MOXD1: variants seen among roughly 807,000 people sequenced by gnomAD.
MOXD1 encodes the protein monooxygenase DBH like 1.
A neutral mutation model predicts 66.6 loss-of-function variants in MOXD1; 62 were observed. The observed-to-expected ratio is 0.93, with a 90% CI of 0.76 to 1.15. MOXD1 has a LOEUF of 1.15. MOXD1 is among the 50% of genes most tolerant of loss of function. MOXD1 has a pLI of 0.00. For synonymous variants in MOXD1, 303 were observed against 281.9 expected (o/e 1.07, Z -0.75); for missense variants, 847 against 754.6 (o/e 1.12, Z -1.44).
intron 6 of MOXD1, among the ~76,000 whole-genome samples, chr6:132,326,575 T>A (rs1459858442): frequency 6.6e-6 from 1 of 152,124 alleles, no homozygotes; most frequent in Non-Finnish European, 1.5e-5. Flanking sequence ...CAATAATTAA[T>A]CCCATTGTTA....
At chr6:132,354,330 T>C (rs1775866623) in intron 4 of MOXD1, among the ~76,000 whole-genome samples, 1 of 152,228 alleles carries the variant, frequency 6.6e-6, no homozygotes, top group South Asian at 2.1e-4. Flanking sequence ...TCAGATTATT[T>C]TGTCCCAGGG....
rs570430683 is a variant in MOXD1 at position 132,297,382 on chromosome 6, G to T, written c.1678-65C>A. The T allele has an allele frequency of 1.2e-5, 18 of 1,518,188 alleles. No individual in the cohort carries two copies. In the South Asian group the frequency reaches 2.1e-4, roughly 18 times the overall value. The allele number at this position is 1,518,188 out of a possible 1,614,324, so 94.0% of individuals were successfully genotyped here. A position where few individuals can be genotyped will look rare whatever the true frequency, so the allele number is the denominator to read the frequency against. ...TTTAAGGCAGCACAGTGACCAGGCC[G>T]CTCAGCTGCCCACACTTCTGCAGGG... is the stretch of plus-strand genomic sequence containing the variant. On this transcript the variant is annotated intron_variant, in intron 11 of 11. Coordinates refer to ENST00000367963, the MANE Select transcript of MOXD1 (RefSeq NM_015529.4).
At chr6:132,379,278 T>C (rs114162696) in intron 1 of MOXD1, among the ~76,000 whole-genome samples, 3,037 of 152,064 alleles carry the variant, frequency 0.02, 54 homozygotes, top group South Asian at 0.058. Flanking sequence ...ATGAACCCAA[T>C]AAATGAAGAA....
At chr6:132,342,893 G>T (rs58668069) in intron 4 of MOXD1, among the ~76,000 whole-genome samples, 6,975 of 152,224 alleles carry the variant, frequency 0.046, 505 homozygotes, top group African/African-American at 0.15. Flanking sequence ...CTGAATTTCT[G>T]CCAGTCCTAT....
At chr6:132,392,277 G>A (rs1184107420) in intron 1 of MOXD1, 2 of 1,602,832 alleles carry the variant, frequency 1.2e-6, no homozygotes, top group South Asian at 2.3e-5. Context: ...ACAGGCCTCA[G>A]TTTTTGAGAC....
intron 1 of MOXD1, chr6:132,375,204 G>A (rs1240040217): frequency 4.9e-6 from 1 of 202,374 alleles, no homozygotes; most frequent in African/African-American, 2.3e-5. Context: ...ACTCCTGGTG[G>A]AGCCCCACTT....
In MOXD1 at chr6:132,349,412, T is replaced by TATATATATAC. The variant is rs1775743851; in HGVS notation, c.664-20828_664-20819dup. Among the ~76,000 whole-genome samples the TATATATATAC allele has an allele frequency of 3.6e-5, 3 of 84,414 alleles. No homozygotes were observed. The East Asian group carries it at 1.5e-3, about 41-fold the overall frequency. The allele number at this position is 84,414 out of a possible 152,430, so 55.4% of individuals were successfully genotyped here. On this transcript the variant is annotated intron_variant, in intron 4 of 11. Transcript: ENST00000367963. ...ATATATACACATATATATACATATA[T>TATATATATAC]ATATATATACATATATATATATACA...
At chr6:132,340,436 ACTTT>A (rs1243184582) in intron 4 of MOXD1, among the ~76,000 whole-genome samples, 1 of 134,694 alleles carries the variant, frequency 7.4e-6, no homozygotes, top group Non-Finnish European at 1.5e-5. Context: ...AGCAAGCAAC[ACTTT>A]CTTTTTTTTT....
At chr6:132,387,823 T>C (rs1294003315) in intron 1 of MOXD1, among the ~76,000 whole-genome samples, 1 of 150,266 alleles carries the variant, frequency 6.7e-6, no homozygotes, top group East Asian at 1.9e-4. Flanking sequence ...CTAATTCAAC[T>C]TTATTAGTGC....
chr6:132,370,135 T>C (rs1434853949), intron 4 of MOXD1, among the ~76,000 whole-genome samples: 1 of 152,110 alleles, frequency 6.6e-6, no homozygotes, highest in Non-Finnish European at 1.5e-5. Flanking sequence ...TTTGATACAG[T>C]GATTTATGGA....
At chr6:132,302,622 T>C (rs1774567046) in intron 10 of MOXD1, among the ~76,000 whole-genome samples, 1 of 152,146 alleles carries the variant, frequency 6.6e-6, no homozygotes, top group Non-Finnish European at 1.5e-5. Flanking sequence ...TGTTAAGGTA[T>C]CAATTCTCTC....
chr6:132,298,535 C>T (rs528929789), intron 10 of MOXD1, among the ~76,000 whole-genome samples: 86 of 152,252 alleles, frequency 5.6e-4, no homozygotes, highest in African/African-American at 1.8e-3. Context: ...CTGACCCCTG[C>T]TGGCTGATCT....
intron 4 of MOXD1, among the ~76,000 whole-genome samples, chr6:132,353,122 C>T (rs149306826): frequency 2.0e-5 from 3 of 152,272 alleles, no homozygotes; most frequent in African/African-American, 7.2e-5. Context: ...AAGTGGAGCA[C>T]TTAGGCGATT....
intron 4 of MOXD1, among the ~76,000 whole-genome samples, chr6:132,331,247 A>C (rs1775310968): frequency 1.3e-5 from 2 of 152,210 alleles, no homozygotes; most frequent in African/African-American, 4.8e-5. Context: ...ATTCAGGCAC[A>C]TGTGAGATTT....
chr6:132,319,033 C>G (rs1033203898), intron 9 of MOXD1, among the ~76,000 whole-genome samples: 1 of 151,880 alleles, frequency 6.6e-6, no homozygotes. Context: ...ACTTGGGACT[C>G]AAAGCATATT....
At chr6:132,322,651 C>T (rs780978211) in intron 8 of MOXD1, 28 bp downstream of exon 8, 4 of 1,588,428 alleles carry the variant, frequency 2.5e-6, no homozygotes, top group East Asian at 4.5e-5. Context: ...TCATAACAGT[C>T]AATGAAAAAG....
intron 4 of MOXD1, among the ~76,000 whole-genome samples, chr6:132,351,605 T>C (rs536409215): frequency 6.6e-6 from 1 of 152,298 alleles, no homozygotes; most frequent in South Asian, 2.1e-4. Context: ...TAGTTTTCTC[T>C]TTTGGTTATG....
intron 4 of MOXD1, among the ~76,000 whole-genome samples, chr6:132,331,019 TG>T (rs550636106): frequency 1.3e-5 from 2 of 152,236 alleles, no homozygotes; most frequent in South Asian, 2.1e-4. Context: ...AAAGGTCGTG[TG>T]GCCTGAAGGC....
At position 132,328,178 on chromosome 6, in the gene MOXD1, CA is replaced by C. The variant is rs1454797468; in HGVS notation, c.844-64del. 2.9e-6 allele frequency: 4 copies of C among 1,395,090 alleles called. No individual in the cohort carries two copies. In the East Asian group the frequency reaches 6.9e-5, roughly 24 times the overall value. 86.4% of individuals were successfully genotyped at this position (1,395,090 alleles called of 1,614,324 possible). A position where few individuals can be genotyped will look rare whatever the true frequency, so the allele number is the denominator to read the frequency against. ...AAGTCCCTGAGAGCTCTATTCCACT[CA>C]AAAACCAGCCATCTTCAAGGATATT... On this transcript the variant is annotated intron_variant, in intron 5 of 11. Transcript: ENST00000367963.
Sources: gnomAD v4.1 joint callset for allele counts (sites outside exome capture counted in the v4.1 genomes callset) on GRCh38, gnomAD v4.1.1 for gene constraint, MANE v1.5 for transcripts, NCBI Gene and HGNC (gene_info 2026-07-23, HGNC 2026-07-21) for gene names.